The following PFKP variants were observed in gnomAD, a reference collection of about 807,000 sequenced individuals.
PFKP encodes the protein phosphofructokinase, platelet, also known as ATP-dependent 6-phosphofructokinase, platelet type.
Under a neutral mutation model 94.3 loss-of-function variants are expected in PFKP, and 101 were observed. That is an observed-to-expected ratio of 1.07 (90% CI 0.91 to 1.26). The LOEUF (loss-of-function observed/expected upper bound fraction) is 1.26. PFKP is among the 50% of genes most tolerant of loss of function. The pLI, the probability that PFKP is intolerant of heterozygous loss-of-function variation, is 0.00. For synonymous variants in PFKP, 573 were observed against 432.6 expected (o/e 1.32, Z -4.03); for missense variants, 1,145 against 1,103.3 (o/e 1.04, Z -0.53).
At chr10:3,121,523 G>A (rs1034090779) in intron 16 of PFKP, among the ~76,000 whole-genome samples, 3 of 151,790 alleles carry the variant, frequency 2.0e-5, no homozygotes, top group Non-Finnish European at 2.9e-5. Context: ...ATTTGAGAGC[G>A]GTCGCTGCAG....
intron 19 of PFKP, 68 bp from the exon 20 acceptor site, chr10:3,134,407 TAGAAATTG>T: frequency 2.3e-6 from 2 of 866,632 alleles, no homozygotes; most frequent in Non-Finnish European, 3.8e-6. Flanking sequence ...TTCTGCAAAA[TAGAAATTG>T]TCATTTCTAT....
chr10:3,130,048 C>A (rs1838398973), intron 17 of PFKP, 65 bp downstream of exon 17: 2 of 1,434,488 alleles, frequency 1.4e-6, no homozygotes, highest in East Asian at 2.3e-5. Flanking sequence ...CGGAGTGAAT[C>A]ATCGTGTCTA....
At chr10:3,135,660 T>C (rs1839179780) in intron 20 of PFKP, 76 bp from the exon 21 acceptor site, 2 of 878,506 alleles carry the variant, frequency 2.3e-6, no homozygotes, top group Admixed American at 2.0e-5. Context: ...TCAGTTCTCA[T>C]CTCGCCCCGT....
chr10:3,131,530 C>T (rs1838588115), intron 17 of PFKP, among the ~76,000 whole-genome samples: 1 of 152,156 alleles, frequency 6.6e-6, no homozygotes, highest in Admixed American at 6.6e-5. Context: ...AATCTCGGCT[C>T]ACTGCAACTT....
rs541767273 is a variant in PFKP at position 3,109,922 on chromosome 10, C to T, written c.1089+442C>T. Among the ~76,000 whole-genome samples, 28 of 151,744 alleles carry T rather than the reference C, an allele frequency of 1.8e-4. No homozygotes were observed. The South Asian group carries it at 3.3e-3, about 18-fold the overall frequency. On this transcript the variant is annotated intron_variant, in intron 10 of 21. Transcript: ENST00000381125. ...GGGGGCAGGGAGGCAGGGAGGCGGGCGTGAGAGAGATCTACAGGGTGGTAT... is the reference window on the plus strand; with the variant it reads ...GGGGGCAGGGAGGCAGGGAGGCGGGTGTGAGAGAGATCTACAGGGTGGTAT...
rs765279782 is a variant in PFKP, at chr10:3,136,302, G to C, written c.2226-148G>C. On this transcript the variant is annotated intron_variant, in intron 21 of 21. Coordinates refer to ENST00000381125, the MANE Select transcript of PFKP (RefSeq NM_002627.5). Reference sequence around the variant, plus strand: ...ATAATTTTAAACAATGGTTTCATTTGATCCTGAAATTGGCTTTATCATCTA... The same window carrying C: ...ATAATTTTAAACAATGGTTTCATTTCATCCTGAAATTGGCTTTATCATCTA... 2.8e-4 allele frequency: 198 copies of C among 699,786 alleles called. 1 individual carries two copies. The highest frequency in any genetic ancestry group is 4.4e-4 in the Non-Finnish European group (184 of 414,692). The allele number at this position is 699,786 out of a possible 1,614,324, so 43.3% of individuals were successfully genotyped here.
At chr10:3,088,127 T>G in intron 2 of PFKP, among the ~76,000 whole-genome samples, 1 of 145,938 alleles carries the variant, frequency 6.9e-6, no homozygotes, top group East Asian at 2.0e-4. Context: ...GTATATCTCC[T>G]AATGCTATCC....
At position 3,136,480 on chromosome 10, in the gene PFKP, C is replaced by A. The variant is rs746939765; in HGVS notation, c.2256C>A (p.Leu752=). 6.2e-7 allele frequency: 1 copy of A among 1,613,658 alleles called. No individual in the cohort carries two copies. The highest frequency in any genetic ancestry group is 1.1e-5 in the South Asian group (1 of 91,018). The change falls in exon 22 of 22, where the codon CTC becomes CTA. Residue 752 remains leucine, a synonymous_variant. Coordinates refer to ENST00000381125, the MANE Select transcript of PFKP (RefSeq NM_002627.5). ...EHRIPKEQWW[L]KLRPLMKILA... ...GGATTCCCAAAGAACAGTGGTGGCT[C>A]AAGCTACGGCCCCTCATGAAAATCC... is the stretch of plus-strand genomic sequence containing the variant.
At chr10:3,134,703 G>T (rs900943392) in intron 20 of PFKP, 121 bp downstream of exon 20, 3 of 638,254 alleles carry the variant, frequency 4.7e-6, no homozygotes, top group Non-Finnish European at 8.4e-6. Context: ...GTACTGAGCT[G>T]CACGTGATGT....
chr10:3,120,887 G>GA (rs1317597795), intron 16 of PFKP, among the ~76,000 whole-genome samples: 1 of 152,164 alleles, frequency 6.6e-6, no homozygotes, highest in Non-Finnish European at 1.5e-5. Flanking sequence ...GTGGGAGTTT[G>GA]AAGATCCGTA....
At position 3,135,743 on chromosome 10, in the gene PFKP, A is replaced by T. The variant is rs770642577; in HGVS notation, c.2130A>T (p.Lys710Asn). The T allele has an allele frequency of 3.7e-6, 6 of 1,605,844 alleles. No homozygotes were observed. In the African/African-American group the frequency reaches 8.0e-5, roughly 22 times the overall value. Residue 710 changes from lysine (K) to asparagine (N), a missense_variant, in exon 21 of 22, where the codon AAA becomes AAT. Physicochemically the swap from Lys to Asn is moderately conservative, Grantham distance 94 (BLOSUM62 0). Transcript: ENST00000381125. ...TTTTAAAATCTTTTATAGGAAAAAA[A>T]TTTACCACCGATGATTCCATTTGTG... ...KLKEARGRGK[K>N]FTTDDSICVL...
chr10:3,100,202 G>T (rs907390305), intron 3 of PFKP, among the ~76,000 whole-genome samples: 1 of 151,820 alleles, frequency 6.6e-6, no homozygotes, highest in African/African-American at 2.4e-5. Context: ...TGGGTTGCTG[G>T]CTCTAGCTCC....
At position 3,073,987 on chromosome 10, in the gene PFKP, G is replaced by A. The variant is rs138274109; in HGVS notation, c.112+6280G>A. Among the ~76,000 whole-genome samples, 619 of 152,200 alleles carry A rather than the reference G, an allele frequency of 4.1e-3. 5 individuals are homozygous for A. Among genetic ancestry groups the A allele is most frequent in the Non-Finnish European group, 7.4e-3 (505 of 67,996 alleles). ...CAAGTAGCTGGGATTACAGGCATGC[G>A]CCACCATGCTCACCTGATCTTTTTT... On this transcript the variant is annotated intron_variant, in intron 1 of 21. Coordinates refer to ENST00000381125, the MANE Select transcript of PFKP (RefSeq NM_002627.5).
At position 3,099,753 on chromosome 10, in the gene PFKP, CA is replaced by C. The variant is rs370509305; in HGVS notation, c.264+402del. Among the ~76,000 whole-genome samples, 372 of 152,208 alleles carry C rather than the reference CA, an allele frequency of 2.4e-3. 2 individuals carry two copies. The highest frequency in any genetic ancestry group is 0.01 in the Middle Eastern group (3 of 294). ...CAGGAGAGTGTGGGCTGAATTCACA[CA>C]GGGGAGCGTTTCCATTCTGCGGTCG... On this transcript the variant is annotated intron_variant, in intron 3 of 21. Transcript: ENST00000381125.
At chr10:3,076,474 A>C (rs58639902) in intron 1 of PFKP, among the ~76,000 whole-genome samples, 1 of 151,734 alleles carries the variant, frequency 6.6e-6, no homozygotes, top group African/African-American at 2.4e-5. Context: ...TCTTTCTCCA[A>C]ACGTCACTCT....
At chr10:3,100,774 T>C (rs1834911439) in intron 3 of PFKP, 1 of 554,632 alleles carries the variant, frequency 1.8e-6, no homozygotes. Flanking sequence ...GTGTGACGAA[T>C]CATGATCTAT....
chr10:3,113,334 G>A, intron 12 of PFKP, 38 bp from the exon 13 acceptor site: 1 of 1,575,678 alleles, frequency 6.3e-7, no homozygotes, highest in Non-Finnish European at 8.6e-7. Flanking sequence ...GCTCACGTGT[G>A]CCCGTGACCC....
At position 3,129,663 on chromosome 10, in the gene PFKP, C is replaced by T. The variant is rs551893900; in HGVS notation, c.1684-156C>T. ...GTTCACACCCACTCCGAGGGCACAT[C>T]CTGGCTGCTGCACACCCTTCACCTC... is the stretch of plus-strand genomic sequence containing the variant. On this transcript the variant is annotated intron_variant, in intron 16 of 21. Coordinates refer to ENST00000381125, the MANE Select transcript of PFKP (RefSeq NM_002627.5). 274 of 774,180 alleles carry T rather than the reference C, an allele frequency of 3.5e-4. 6 individuals carry two copies. The South Asian group carries it at 4.3e-3, about 12-fold the overall frequency. 48.0% of individuals were successfully genotyped at this position (774,180 alleles called of 1,614,324 possible). A position where few individuals can be genotyped will look rare whatever the true frequency, so the allele number is the denominator to read the frequency against.
chr10:3,105,832 G>A (rs1362120951), intron 7 of PFKP, among the ~76,000 whole-genome samples: 1 of 152,180 alleles, frequency 6.6e-6, no homozygotes, highest in Non-Finnish European at 1.5e-5. Flanking sequence ...TTTTCTATGG[G>A]TGGGTCTTTA....
Sources: gnomAD v4.1 joint callset for allele counts (sites outside exome capture counted in the v4.1 genomes callset) on GRCh38, gnomAD v4.1.1 for gene constraint, MANE v1.5 for transcripts, NCBI Gene and HGNC (gene_info 2026-07-23, HGNC 2026-07-21) for gene names.